RAMP1: variants seen among roughly 807,000 people sequenced by gnomAD.
RAMP1 encodes the protein receptor activity modifying protein 1.
A neutral mutation model predicts 8.2 loss-of-function variants in RAMP1; 7 were observed. The observed-to-expected ratio is 0.85, with a 90% confidence interval of 0.49 to 1.60. RAMP1 has a LOEUF of 1.60. RAMP1 is among the 40% of genes most tolerant of loss of function. RAMP1 has a pLI of 0.00. For missense variants in RAMP1, 192 were observed against 202.4 expected (o/e 0.95, Z 0.31); for synonymous variants, 92 against 84.7 (o/e 1.09, Z -0.47).
At chr2:237,879,690 T>A (rs1178566681) in intron 2 of RAMP1, among the ~76,000 whole-genome samples, 2 of 132,038 alleles carry the variant, frequency 1.5e-5, no homozygotes, top group Non-Finnish European at 3.2e-5. Context: ...CTTAAAGTAT[T>A]AAAAAAAAAA....
chr2:237,868,593 A>C (rs1465179106), intron 1 of RAMP1, among the ~76,000 whole-genome samples: 153 of 55,112 alleles, frequency 2.8e-3, no homozygotes, highest in African/African-American at 0.023. Context: ...AAAAAAACAA[A>C]AAAAAAAAAA....
rs559563328 is a variant in RAMP1 at position 237,884,096 on chromosome 2, G to T, written c.191+6734G>T. On this transcript the variant is annotated intron_variant, in intron 2 of 2. Coordinates refer to ENST00000254661, the MANE Select transcript of RAMP1 (RefSeq NM_005855.4). ...CTTTGTTACCTGGTTGGTGGATTTT[G>T]TCAGGTTGTCTGTTGTGAGCAAGGC... 3.9e-5 allele frequency among the ~76,000 whole-genome samples: 6 copies of T among 152,044 alleles called. No homozygotes were observed. The South Asian group carries it at 1.0e-3, about 26-fold the overall frequency.
At chr2:237,879,504 T>C (rs1333020161) in intron 2 of RAMP1, among the ~76,000 whole-genome samples, 1 of 150,118 alleles carries the variant, frequency 6.7e-6, no homozygotes, top group Non-Finnish European at 1.5e-5. Flanking sequence ...ATTATTATTA[T>C]GATACTTTAA....
chr2:237,877,119 G>T lies in RAMP1; in HGVS notation c.53-105G>T. On this transcript the variant is annotated intron_variant, in intron 1 of 2. Coordinates refer to ENST00000254661, the MANE Select transcript of RAMP1 (RefSeq NM_005855.4). This position sits in a 1 kb window ranked among gnomAD's most constrained non-coding sequence, Gnocchi z 4.4. ...CGCCCTCTCCAGGGGTTGCTTAGAGGCCCCGTTCTCGTGGAGTCCGGGCTG... is the reference window on the plus strand; with the variant it reads ...CGCCCTCTCCAGGGGTTGCTTAGAGTCCCCGTTCTCGTGGAGTCCGGGCTG... 2 of 1,454,672 alleles carry T rather than the reference G, an allele frequency of 1.4e-6. No individual in the cohort carries two copies. The highest frequency in any genetic ancestry group is 1.2e-5 in the South Asian group (1 of 85,414). 90.1% of individuals were successfully genotyped at this position (1,454,672 alleles called of 1,614,324 possible). A position where few individuals can be genotyped will look rare whatever the true frequency, so the allele number is the denominator to read the frequency against.
intron 2 of RAMP1, among the ~76,000 whole-genome samples, chr2:237,892,208 T>A (rs1204564358): frequency 6.6e-6 from 1 of 152,178 alleles, no homozygotes; most frequent in African/African-American, 2.4e-5. Context: ...ATTGTTTATC[T>A]TTCCATGCTG....
chr2:237,901,247 G>A (rs1359009683), intron 2 of RAMP1, among the ~76,000 whole-genome samples: 1 of 152,234 alleles, frequency 6.6e-6, no homozygotes, highest in Admixed American at 6.5e-5. Flanking sequence ...CTTTGCCTTG[G>A]AGGTGGCCAC....
intron 2 of RAMP1, among the ~76,000 whole-genome samples, chr2:237,902,312 G>A (rs1300270693): frequency 1.4e-5 from 2 of 147,130 alleles, no homozygotes; most frequent in East Asian, 2.0e-4. Context: ...GGAGGGGCTG[G>A]GAGGAGGAGG....
intron 2 of RAMP1, among the ~76,000 whole-genome samples, chr2:237,881,197 T>C (rs1559942461): frequency 6.6e-6 from 1 of 152,234 alleles, no homozygotes; most frequent in Admixed American, 6.5e-5. Flanking sequence ...TTTTCTTCAC[T>C]TAACAACATA....
intron 2 of RAMP1, among the ~76,000 whole-genome samples, chr2:237,884,506 T>C (rs1308323015): frequency 2.6e-5 from 4 of 152,136 alleles, no homozygotes; most frequent in Non-Finnish European, 5.9e-5. Context: ...TTTAAAAGCC[T>C]CACGTCAGAT....
intron 2 of RAMP1, among the ~76,000 whole-genome samples, chr2:237,887,614 C>T (rs1336319581): frequency 1.3e-5 from 2 of 152,208 alleles, no homozygotes; most frequent in Non-Finnish European, 2.9e-5. Flanking sequence ...TACTCCTGCT[C>T]GAGTTAAAGC....
chr2:237,878,179 C>T lies in RAMP1; in HGVS notation c.191+817C>T. On this transcript the variant is annotated intron_variant, in intron 2 of 2. Transcript: ENST00000254661. The surrounding 1 kb of genome is among the most constrained non-coding windows in gnomAD (Gnocchi z 5.7). ...GCCTCCCTGCCATGCAAACTTCGCACAGAGATCTGTCTGTGGGTTCACAGC... is the reference window on the plus strand; with the variant it reads ...GCCTCCCTGCCATGCAAACTTCGCATAGAGATCTGTCTGTGGGTTCACAGC... 1.0e-6 allele frequency: 1 copy of T among 985,002 alleles called. No individual in the cohort carries two copies. The highest frequency in any genetic ancestry group is 1.2e-6 in the Non-Finnish European group (1 of 829,504). 61.0% of individuals were successfully genotyped at this position (985,002 alleles called of 1,614,324 possible).
chr2:237,910,822 T>C (rs901939125), intron 2 of RAMP1, among the ~76,000 whole-genome samples: 3 of 143,530 alleles, frequency 2.1e-5, no homozygotes, highest in Non-Finnish European at 4.5e-5. Flanking sequence ...AAGAGAATAA[T>C]AGTCACACAG....
chr2:237,873,860 T>G (rs1376540476), intron 1 of RAMP1, among the ~76,000 whole-genome samples: 1 of 152,110 alleles, frequency 6.6e-6, no homozygotes, highest in Non-Finnish European at 1.5e-5. Flanking sequence ...CGCCTGTACC[T>G]AAAAAATGAA....
intron 2 of RAMP1, among the ~76,000 whole-genome samples, chr2:237,905,573 C>G (rs2062643003): frequency 6.6e-6 from 1 of 152,182 alleles, no homozygotes; most frequent in Non-Finnish European, 1.5e-5. Context: ...GGCAATAGCT[C>G]CTCCTAAAAA....
intron 2 of RAMP1, among the ~76,000 whole-genome samples, chr2:237,908,329 T>C (rs1178292258): frequency 6.6e-6 from 1 of 152,044 alleles, no homozygotes; most frequent in Non-Finnish European, 1.5e-5. Context: ...ACCCCAGCAT[T>C]CCTACCCCTC....
At chr2:237,910,027 C>A (rs1432636924) in intron 2 of RAMP1, among the ~76,000 whole-genome samples, 5 of 152,198 alleles carry the variant, frequency 3.3e-5, no homozygotes, top group Non-Finnish European at 7.4e-5. Context: ...CACCTCCACT[C>A]CCTTCCTTCT....
intron 1 of RAMP1, among the ~76,000 whole-genome samples, chr2:237,861,320 TTA>T (rs1360736905): frequency 6.6e-6 from 1 of 152,156 alleles, no homozygotes; most frequent in Non-Finnish European, 1.5e-5. Context: ...AAACAAAACT[TTA>T]TGAGGTTATC....
At position 237,904,917 on chromosome 2, in the gene RAMP1, G is replaced by C. The variant is rs74416503; in HGVS notation, c.192-6611G>C. Among the ~76,000 whole-genome samples, 621 of 152,246 alleles carry C rather than the reference G, an allele frequency of 4.1e-3. 5 individuals are homozygous for C. Among genetic ancestry groups the C allele is most frequent in the Admixed American group, 7.4e-3 (113 of 15,304 alleles). ...ATATTTCATATTAGGGCCAGCCGGG[G>C]GTAGCTGGGGGACAACTGCAACCCA... On this transcript the variant is annotated intron_variant, in intron 2 of 2. Coordinates refer to ENST00000254661, the MANE Select transcript of RAMP1 (RefSeq NM_005855.4).
In RAMP1 at chr2:237,862,402, C is replaced by T. The variant is rs114952251; in HGVS notation, c.52+2675C>T. On this transcript the variant is annotated intron_variant, in intron 1 of 2. Coordinates refer to ENST00000254661, the MANE Select transcript of RAMP1 (RefSeq NM_005855.4). This position sits in a 1 kb window ranked among gnomAD's most constrained non-coding sequence, Gnocchi z 4.0. Reference sequence around the variant, plus strand: ...CCTTCCACAGGCGCATGCCTGTCAGCGTGCTTATTACCAGTCCGAGGCCAG... The same window carrying T: ...CCTTCCACAGGCGCATGCCTGTCAGTGTGCTTATTACCAGTCCGAGGCCAG... 8.4e-3 allele frequency among the ~76,000 whole-genome samples: 1,277 copies of T among 152,264 alleles called. 9 individuals are homozygous for T. Among genetic ancestry groups the T allele is most frequent in the Middle Eastern group, 0.027 (8 of 294 alleles).
Sources: gnomAD v4.1 joint callset for allele counts (sites outside exome capture counted in the v4.1 genomes callset) on GRCh38, gnomAD v4.1.1 for gene constraint, Gnocchi (gnomAD v3.1) non-coding constraint, MANE v1.5 for transcripts, NCBI Gene and HGNC (gene_info 2026-07-23, HGNC 2026-07-21) for gene names.